The following PTPRJ variants were observed in gnomAD, a reference collection of about 807,000 sequenced individuals.
PTPRJ encodes protein tyrosine phosphatase receptor type J.
Under a neutral mutation model 141.3 loss-of-function variants are expected in PTPRJ, and 129 were observed. The observed-to-expected ratio is 0.91, with a 90% CI of 0.79 to 1.06. PTPRJ has a LOEUF of 1.06. PTPRJ is among the 50% of genes least tolerant of loss of function. The pLI is 0.00. For synonymous variants in PTPRJ, 610 were observed against 640.5 expected, an observed-to-expected ratio of 0.95 and a Z score of 0.72; for missense variants, 1,601 against 1,679.7, an observed-to-expected ratio of 0.95 and a Z score of 0.82.
chr11:48,099,541 C>T (rs1466404730), intron 1 of PTPRJ, among the ~76,000 whole-genome samples: 2 of 152,118 alleles, frequency 1.3e-5, no homozygotes, highest in African/African-American at 4.8e-5. Context: ...TTAGGGCATT[C>T]ATGAGGCTTG....
intron 1 of PTPRJ, among the ~76,000 whole-genome samples, chr11:48,086,379 C>G (rs1485948984): frequency 1.3e-5 from 2 of 152,190 alleles, no homozygotes; most frequent in African/African-American, 4.8e-5. Flanking sequence ...ACCATGTTGA[C>G]CAGGCTGGTC....
At position 48,123,669 on chromosome 11, in the gene PTPRJ, C is replaced by T; in HGVS notation, c.673C>T (p.Leu225Phe). Residue 225 changes from leucine to phenylalanine, a missense_variant, in exon 5 of 25, where the codon CTC becomes TTC. Coordinates refer to ENST00000418331, the MANE Select transcript of PTPRJ (RefSeq NM_002843.4). Reference protein sequence around the residue: ...VALTGVRKAALSWSNGNGTAS... With the variant: ...VALTGVRKAAFSWSNGNGTAS... ...CCTCACGGGTGTGAGGAAGGCTGCT[C>T]TCTCCTGGAGCAATGGCAATGGCAC... The T allele has an allele frequency of 1.2e-6, 2 of 1,614,192 alleles. No homozygotes were observed. Among genetic ancestry groups the T allele is most frequent in the African/African-American group, 1.3e-5 (1 of 75,052 alleles).
rs145682136 is a variant in PTPRJ, at chr11:48,125,854, G to A, written c.1093+668G>A. Among the ~76,000 whole-genome samples, 157 of 152,294 alleles carry A rather than the reference G, an allele frequency of 1.0e-3. 2 individuals are homozygous for A. Among genetic ancestry groups the A allele is most frequent in the African/African-American group, 3.7e-3 (153 of 41,560 alleles). On this transcript the variant is annotated intron_variant, in intron 6 of 24. Coordinates refer to ENST00000418331, the MANE Select transcript of PTPRJ (RefSeq NM_002843.4). ...TTCCTGGTATCCATGTTGAAGGAGG[G>A]TCCATTTGTGTCCTTCCTTCCCTTT...
At chr11:48,125,863 T>C (rs557950767) in intron 6 of PTPRJ, among the ~76,000 whole-genome samples, 1 of 152,322 alleles carries the variant, frequency 6.6e-6, no homozygotes, top group African/African-American at 2.4e-5. Flanking sequence ...GGTCCATTTG[T>C]GTCCTTCCTT....
chr11:48,109,946 G>A (rs1252200580), intron 1 of PTPRJ, 112 bp from the exon 2 acceptor site: 1 of 1,226,902 alleles, frequency 8.2e-7, no homozygotes, highest in Non-Finnish European at 1.2e-6. Context: ...TTTGCTTAAT[G>A]TGCTTCTTAC....
intron 1 of PTPRJ, among the ~76,000 whole-genome samples, chr11:47,995,963 G>A (rs1386722910): frequency 2.0e-5 from 3 of 151,842 alleles, no homozygotes; most frequent in African/African-American, 7.3e-5. Context: ...GCTTGAGCCC[G>A]GGAGGCACAG....
chr11:48,066,370 A>G (rs1046617916), intron 1 of PTPRJ, among the ~76,000 whole-genome samples: 1 of 152,036 alleles, frequency 6.6e-6, no homozygotes, highest in Non-Finnish European at 1.5e-5. Context: ...ATAAATATGT[A>G]GTTACCCTAA....
chr11:48,139,627 T>C lies in PTPRJ; in HGVS notation c.2294T>C (p.Leu765Pro). 6.2e-7 allele frequency: 1 copy of C among 1,614,248 alleles called. No homozygotes were observed. Among genetic ancestry groups the C allele is most frequent in the Non-Finnish European group, 8.5e-7 (1 of 1,180,042 alleles). ...SSGAWNNATHLESCSSENGTE... is the reference protein window; with the variant it reads ...SSGAWNNATHPESCSSENGTE... ...GGAGCCTGGAACAATGCGACCCACC[T>C]GGAGAGCTGCTCCTCTGAGAATGGC... Residue 765 changes from leucine (L) to proline (P), a missense_variant, in exon 11 of 25, where the codon CTG (leucine) becomes CCG (proline). Leu to Pro is a moderately conservative substitution (Grantham distance 98, BLOSUM62 -3). Coordinates refer to ENST00000418331, the MANE Select transcript of PTPRJ (RefSeq NM_002843.4).
At chr11:48,010,460 G>T (rs1854753397) in intron 1 of PTPRJ, among the ~76,000 whole-genome samples, 1 of 151,636 alleles carries the variant, frequency 6.6e-6, no homozygotes, top group African/African-American at 2.4e-5. Context: ...ATTACAGGGT[G>T]AACCACTGCG....
intron 1 of PTPRJ, among the ~76,000 whole-genome samples, chr11:48,064,507 G>A (rs1223469765): frequency 1.3e-5 from 2 of 152,170 alleles, no homozygotes; most frequent in South Asian, 2.1e-4. Flanking sequence ...GAGTCTGCCC[G>A]AGCCTTTCCT....
intron 1 of PTPRJ, among the ~76,000 whole-genome samples, chr11:48,072,135 C>G (rs1235927414): frequency 1.3e-5 from 2 of 151,930 alleles, no homozygotes; most frequent in East Asian, 3.9e-4. Context: ...GAGCTCCTGA[C>G]CTCAGGTGAT....
chr11:48,113,054 C>A, intron 3 of PTPRJ, 71 bp downstream of exon 3: 1 of 1,296,142 alleles, frequency 7.7e-7, no homozygotes. Context: ...GTCATGTTTT[C>A]CAAATACTGT....
At chr11:48,151,606 C>T in intron 18 of PTPRJ, among the ~76,000 whole-genome samples, 1 of 128,630 alleles carries the variant, frequency 7.8e-6, no homozygotes, top group Non-Finnish European at 1.6e-5. Context: ...CCTCCCCCCA[C>T]CCCATGACAG....
intron 1 of PTPRJ, among the ~76,000 whole-genome samples, chr11:48,032,113 G>A (rs560490075): frequency 5.9e-5 from 9 of 152,276 alleles, no homozygotes; most frequent in Admixed American, 5.2e-4. Context: ...CTGCTACTGC[G>A]TCCAGCTGGC....
intron 1 of PTPRJ, among the ~76,000 whole-genome samples, chr11:48,017,993 G>A (rs1333706464): frequency 6.6e-6 from 1 of 152,210 alleles, no homozygotes; most frequent in Non-Finnish European, 1.5e-5. Context: ...TGCCAGGCTG[G>A]GTTGGGAGAT....
chr11:48,085,283 A>G (rs1213156694), intron 1 of PTPRJ, among the ~76,000 whole-genome samples: 1 of 152,046 alleles, frequency 6.6e-6, no homozygotes, highest in Non-Finnish European at 1.5e-5. Flanking sequence ...TGTATTGGAA[A>G]CATCATTTTC....
chr11:48,020,108 C>T (rs1855073497), intron 1 of PTPRJ, among the ~76,000 whole-genome samples: 2 of 152,178 alleles, frequency 1.3e-5, no homozygotes, highest in Admixed American at 1.3e-4. Context: ...TCCCGAGATC[C>T]TGGCGAGGCT....
intron 1 of PTPRJ, among the ~76,000 whole-genome samples, chr11:48,000,315 AT>A (rs1375015166): frequency 1.0e-3 from 145 of 144,526 alleles, no homozygotes; most frequent in African/African-American, 3.4e-3. Context: ...TAATTTTAAA[AT>A]TTTTTTTTTG....
At chr11:48,053,964 C>T (rs1311280090) in intron 1 of PTPRJ, among the ~76,000 whole-genome samples, 1 of 127,206 alleles carries the variant, frequency 7.9e-6, no homozygotes, top group Non-Finnish European at 1.6e-5. Context: ...CGAAGTTTCA[C>T]TCTTGTCGCC....
Sources: gnomAD v4.1 joint callset for allele counts (sites outside exome capture counted in the v4.1 genomes callset) on GRCh38, gnomAD v4.1.1 for gene constraint, MANE v1.5 for transcripts, NCBI Gene and HGNC (gene_info 2026-07-23, HGNC 2026-07-21) for gene names.